SETD1A: variants seen among roughly 807,000 people sequenced by gnomAD.
The protein encoded by SETD1A is histone-lysine N-methyltransferase SETD1A.
Under a neutral mutation model 149.9 loss-of-function variants are expected in SETD1A, and 29 were observed. The ratio of observed to expected loss-of-function variants is 0.19; its 90% CI spans 0.14 to 0.26. The LOEUF is 0.26. SETD1A is among the 10% of genes least tolerant of loss of function. The pLI, the probability that SETD1A is intolerant of heterozygous loss-of-function variation, is 1.00. For synonymous variants in SETD1A, 1,141 were observed against 968.5 expected (o/e 1.18, Z -3.31); for missense variants, 2,109 against 2,353.1 (o/e 0.90, Z 2.15).
chr16:30,959,613 C>T (rs1213580031), intron 3 of SETD1A, among the ~76,000 whole-genome samples: 2 of 152,272 alleles, frequency 1.3e-5, no homozygotes, highest in Non-Finnish European at 1.5e-5. Flanking sequence ...TTCGAGGACT[C>T]CTATTCTCCA....
Position 30,964,116 on chromosome 16 carries a change from C to A in SETD1A, c.662C>A (p.Ser221Tyr). Reference sequence around the variant, plus strand: ...TAGGCCGAATCCCGCCGCCGCTCTTCCTCTGACACAGCTGCCTACCCAGCA... The same window carrying A: ...TAGGCCGAATCCCGCCGCCGCTCTTACTCTGACACAGCTGCCTACCCAGCA... ...TETAESRRRS[S>Y]SDTAAYPAGT... Residue 221 changes from serine (S) to tyrosine (Y), a missense_variant, in exon 6 of 19, where the codon TCC (serine) becomes TAC (tyrosine). By Grantham distance (144) the Ser-to-Tyr change is moderately radical. Coordinates refer to ENST00000262519, the MANE Select transcript of SETD1A (RefSeq NM_014712.3). The A allele has an allele frequency of 6.2e-7, 1 of 1,613,936 alleles. No individual in the cohort carries two copies. Among genetic ancestry groups the A allele is most frequent in the Non-Finnish European group, 8.5e-7 (1 of 1,179,994 alleles).
At chr16:30,958,169 G>GC (rs1364741287) in intron 1 of SETD1A, 2 of 150,712 alleles carry the variant, frequency 1.3e-5, no homozygotes, top group Admixed American at 1.3e-4. Context: ...CCTGCTGGGG[G>GC]GGGTGCAGAA....
At position 30,979,162 on chromosome 16, in the gene SETD1A, C is replaced by T. The variant is rs752638450; in HGVS notation, c.3376C>T (p.Pro1126Ser). The stretch of plus-strand genomic sequence containing the variant: ...CTTCCCAGGCCCCACGGAGGAGTCA[C>T]CCCCCAGTGCGCCTCTGCGTCCCCC... ...ARPAGPTEES[P>S]PSAPLRPPEP... The change falls in exon 14 of 19, where the codon CCC becomes TCC. Residue 1126 changes from proline (P) to serine (S), a missense_variant. Transcript: ENST00000262519. The T allele has an allele frequency of 1.2e-5, 19 of 1,571,264 alleles. No homozygotes were observed. Among genetic ancestry groups the T allele is most frequent in the East Asian group, 4.6e-5 (2 of 43,306 alleles).
At chr16:30,972,362 C>T (rs922512862) in intron 13 of SETD1A, among the ~76,000 whole-genome samples, 4 of 152,158 alleles carry the variant, frequency 2.6e-5, no homozygotes, top group African/African-American at 7.2e-5. Flanking sequence ...GGAGGCCGGG[C>T]GCGGTGGCTT....
chr16:30,958,880 A>C lies in SETD1A; in HGVS notation c.149A>C (p.Asn50Thr). The change falls in exon 2 of 19, where the codon AAC (asparagine) becomes ACC (threonine). Residue 50 changes from asparagine (N) to threonine (T), a missense_variant and splice_region_variant. By Grantham distance (65) the Asn-to-Thr change is moderately conservative. Coordinates refer to ENST00000262519, the MANE Select transcript of SETD1A (RefSeq NM_014712.3). ...YRYDGVHFSV[N>T]DSKYIPVEDL... is the part of the protein sequence containing the mutation. ...TATGATGGAGTCCACTTCAGTGTCA[A>C]CGTGAGTGCCCGGGTCTTTGGTTGC... 6.2e-7 allele frequency: 1 copy of C among 1,614,096 alleles called. No individual in the cohort carries two copies. Among genetic ancestry groups the C allele is most frequent in the Non-Finnish European group, 8.5e-7 (1 of 1,179,978 alleles).
chr16:30,964,430 C>A (rs377703336), intron 6 of SETD1A, 107 bp downstream of exon 6: 2 of 1,318,028 alleles, frequency 1.5e-6, no homozygotes, highest in Middle Eastern at 1.9e-4. Context: ...AATAATTTGT[C>A]CTAGTTTCTC....
intron 10 of SETD1A, among the ~76,000 whole-genome samples, chr16:30,968,443 CACAT>C (rs1320547047): frequency 1.3e-4 from 20 of 151,154 alleles, no homozygotes; most frequent in African/African-American, 4.9e-5. Flanking sequence ...TATGTACACA[CACAT>C]ATGTATATAC....
chr16:30,981,282 T>C, intron 17 of SETD1A, 102 bp downstream of exon 17: 1 of 1,465,742 alleles, frequency 6.8e-7, no homozygotes, highest in Non-Finnish European at 9.3e-7. Context: ...GCACACTCCC[T>C]AACCCCGGTA....
At chr16:30,959,422 T>C (rs1163939087) in intron 3 of SETD1A, among the ~76,000 whole-genome samples, 1 of 152,044 alleles carries the variant, frequency 6.6e-6, no homozygotes, top group African/African-American at 2.4e-5. Context: ...TCTTGAAGGG[T>C]GAGGTAAAGA....
At position 30,969,265 on chromosome 16, in the gene SETD1A, T is replaced by A. The variant is rs763361324; in HGVS notation, c.2771-40T>A. The A allele has an allele frequency of 5.6e-6, 9 of 1,594,140 alleles. No individual in the cohort carries two copies. In the South Asian group the frequency reaches 9.0e-5, roughly 16 times the overall value. On this transcript the variant is annotated intron_variant, in intron 10 of 18. Coordinates refer to ENST00000262519, the MANE Select transcript of SETD1A (RefSeq NM_014712.3). ...CTTGCACAGGGCAAGTATCTTGTGGTTGATGGTAAATTTCCCCAACTACCA... is the reference window on the plus strand; with the variant it reads ...CTTGCACAGGGCAAGTATCTTGTGGATGATGGTAAATTTCCCCAACTACCA...
In SETD1A at chr16:30,963,525, T is replaced by C. The variant is rs1302816024; in HGVS notation, c.610T>C (p.Phe204Leu). The C allele has an allele frequency of 6.2e-7, 1 of 1,613,096 alleles. No individual in the cohort carries two copies. The highest frequency in any genetic ancestry group is 2.2e-5 in the East Asian group (1 of 44,806). Reference sequence around the variant, plus strand: ...TGGGGGCAAGGCCCTGAGTGAGAAGTTCCAAGGCTCGGGTGCAGCCACTGA... The same window carrying C: ...TGGGGGCAAGGCCCTGAGTGAGAAGCTCCAAGGCTCGGGTGCAGCCACTGA... ...PTGGKALSEK[F>L]QGSGAATETA... The change falls in exon 5 of 19, where the codon TTC becomes CTC. Residue 204 changes from phenylalanine (F) to leucine (L), a missense_variant. Physicochemically the swap from Phe to Leu is conservative, Grantham distance 22. This residue lies in a region of SETD1A where 410 missense variants were observed against 394.8 expected (regional missense o/e 1.04). Coordinates refer to ENST00000262519, the MANE Select transcript of SETD1A (RefSeq NM_014712.3).
intron 13 of SETD1A, 135 bp from the exon 14 acceptor site, chr16:30,979,010 C>A: frequency 1.2e-6 from 1 of 853,040 alleles, no homozygotes; most frequent in Non-Finnish European, 1.8e-6. Context: ...GGGGCTGAGG[C>A]CAGGGCGTCT....
chr16:30,983,910 A>G lies in SETD1A; in HGVS notation c.5011A>G (p.Lys1671Glu). 6.2e-7 allele frequency: 1 copy of G among 1,613,632 alleles called. No homozygotes were observed. Among genetic ancestry groups the G allele is most frequent in the Non-Finnish European group, 8.5e-7 (1 of 1,179,740 alleles). Residue 1671 changes from lysine (K) to glutamate (E), a missense_variant, in exon 19 of 19, where the codon AAG becomes GAG. Lys to Glu is a moderately conservative substitution (Grantham distance 56, BLOSUM62 1). Around this residue, in one of 8 missense-constraint regions of SETD1A, gnomAD observed 254 missense variants for 409.3 expected, o/e 0.62. Transcript: ENST00000262519. The surrounding 1 kb of genome is among the most constrained non-coding windows in gnomAD (Gnocchi z 6.8). Reference protein sequence around the residue: ...ESQKKIVIYSKQPIGVDEEIT... With the variant: ...ESQKKIVIYSEQPIGVDEEIT... Reference sequence around the variant, plus strand: ...CCAGAAGAAGATCGTGATCTACTCCAAGCAGCCCATTGGCGTGGACGAGGA... The same window carrying G: ...CCAGAAGAAGATCGTGATCTACTCCGAGCAGCCCATTGGCGTGGACGAGGA...
intron 10 of SETD1A, among the ~76,000 whole-genome samples, chr16:30,968,622 G>A (rs1016566142): frequency 1.3e-5 from 2 of 151,844 alleles, no homozygotes; most frequent in Non-Finnish European, 2.9e-5. Context: ...CCAACATGGT[G>A]AAACCCCGTC....
Position 30,958,687 on chromosome 16 carries a change from C to A in SETD1A, c.-15-30C>A, listed in dbSNP as rs367852886. On this transcript the variant is annotated intron_variant, in intron 1 of 18. Coordinates refer to ENST00000262519, the MANE Select transcript of SETD1A (RefSeq NM_014712.3). ...GGGGAGTCAGGCCCCAAGTCCTGAT[C>A]CTTCTTGCGTGTCCCTCTTCCCCTA... is the stretch of plus-strand genomic sequence containing the variant. 1.3e-5 allele frequency: 21 copies of A among 1,601,618 alleles called. No individual in the cohort carries two copies. The African/African-American group carries it at 2.1e-4, about 16-fold the overall frequency.
At chr16:30,966,792 G>A (rs920877186) in intron 8 of SETD1A, 92 bp from the exon 9 acceptor site, 8 of 1,382,048 alleles carry the variant, frequency 5.8e-6, no homozygotes, top group East Asian at 5.1e-5. Context: ...AAGTAGATGC[G>A]TTCTGTATTC....
chr16:30,971,371 T>C lies in SETD1A; in HGVS notation c.3017-7T>C. ...ACCTCTCCTGACTGCCCCTTCTGGA[T>C]TTCCAGGCGAGGACGAGGAAAGCGA... On this transcript the variant is annotated splice_region_variant and splice_polypyrimidine_tract_variant and intron_variant, in intron 12 of 18. Transcript: ENST00000262519. 1.3e-6 allele frequency: 2 copies of C among 1,564,208 alleles called. No individual in the cohort carries two copies. The highest frequency in any genetic ancestry group is 2.4e-5 in the South Asian group (2 of 82,718).
rs2056056457 is a variant in SETD1A, at chr16:30,961,826, G to A, written c.517+289G>A. 6.6e-6 allele frequency among the ~76,000 whole-genome samples: 1 copy of A among 152,026 alleles called. No homozygotes were observed. The highest frequency in any genetic ancestry group is 6.6e-5 in the Admixed American group (1 of 15,262). On this transcript the variant is annotated intron_variant, in intron 4 of 18. Transcript: ENST00000262519. The surrounding 1 kb of genome is among the most constrained non-coding windows in gnomAD (Gnocchi z 4.0). ...TACTAGGTAAGATGAATAGATTGTAGTAAATCAGCCCAGGTCAGGTTGGTT... is the reference window on the plus strand; with the variant it reads ...TACTAGGTAAGATGAATAGATTGTAATAAATCAGCCCAGGTCAGGTTGGTT...
At position 30,961,559 on chromosome 16, in the gene SETD1A, A is replaced by AC. The variant is rs774736974; in HGVS notation, c.517+23dup. On this transcript the variant is annotated intron_variant, in intron 4 of 18. Transcript: ENST00000262519. This position sits in a 1 kb window ranked among gnomAD's most constrained non-coding sequence, Gnocchi z 4.0. ...AAAGGTGAGGACTCCTCTGCCTGCC[A>AC]CTCAGGCTTGGCCTCCAGCGGAGGT... 4 of 1,609,938 alleles carry AC rather than the reference A, an allele frequency of 2.5e-6. No individual in the cohort carries two copies. Among genetic ancestry groups the AC allele is most frequent in the Non-Finnish European group, 3.4e-6 (4 of 1,178,356 alleles).
Sources: gnomAD v4.1 joint callset for allele counts (sites outside exome capture counted in the v4.1 genomes callset) on GRCh38, gnomAD v4.1.1 for gene constraint, gnomAD v4.1.1 regional missense constraint, Gnocchi (gnomAD v3.1) non-coding constraint, MANE v1.5 for transcripts, NCBI Gene and HGNC (gene_info 2026-07-23, HGNC 2026-07-21) for gene names.